The following AMOTL2 variants were observed in gnomAD, a reference collection of about 807,000 sequenced individuals.
The protein encoded by AMOTL2 is angiomotin-like protein 2.
Under a neutral mutation model 78.4 loss-of-function variants are expected in AMOTL2, and 33 were observed. The observed-to-expected ratio is 0.42, with a 90% CI of 0.32 to 0.56. The LOEUF is 0.56. Ranked by LOEUF, AMOTL2 falls within the 20% of genes least tolerant of loss-of-function variation. The pLI, the probability that AMOTL2 is intolerant of heterozygous loss-of-function variation, is 0.12. For missense variants in AMOTL2, 983 were observed against 1,030.1 expected (o/e 0.95, Z 0.63); for synonymous variants, 422 against 428.8 (o/e 0.98, Z 0.20).
intron 6 of AMOTL2, among the ~76,000 whole-genome samples, chr3:134,360,614 T>G (rs1030685069): frequency 2.0e-5 from 3 of 152,154 alleles, no homozygotes; most frequent in African/African-American, 7.2e-5. Context: ...GGCAAGGGCA[T>G]AGAGACCAGA....
intron 5 of AMOTL2, 78 bp from the exon 6 acceptor site, chr3:134,361,885 C>A: frequency 7.9e-7 from 1 of 1,266,752 alleles, no homozygotes; most frequent in South Asian, 1.5e-5. Context: ...CAGTGCTGAC[C>A]ACTGGATGAG....
At chr3:134,367,277 C>T (rs1037344916) in intron 3 of AMOTL2, among the ~76,000 whole-genome samples, 1 of 152,176 alleles carries the variant, frequency 6.6e-6, no homozygotes, top group African/African-American at 2.4e-5. Flanking sequence ...ACTGTTCATG[C>T]TCCAGGCCTG....
At chr3:134,366,000 C>A in intron 4 of AMOTL2, 91 bp from the exon 5 acceptor site, 1 of 1,358,960 alleles carries the variant, frequency 7.4e-7, no homozygotes, top group Non-Finnish European at 1.0e-6. Flanking sequence ...GGGCTGTATC[C>A]TCCATATTGG....
chr3:134,361,673 C>T lies in AMOTL2; in HGVS notation c.1414G>A (p.Ala472Thr), dbSNP rs1289784722. 5.6e-6 allele frequency: 9 copies of T among 1,611,628 alleles called. No homozygotes were observed. Among genetic ancestry groups the T allele is most frequent in the Non-Finnish European group, 7.6e-6 (9 of 1,179,912 alleles). The change falls in exon 6 of 10, where the codon GCC becomes ACC. Residue 472 changes from alanine (A) to threonine (T), a missense_variant. Transcript: ENST00000249883. ...LGNAQGRAAR[A>T]EEELRKKQAY... The stretch of plus-strand genomic sequence containing the variant: ...TGCTTCTTGCGCAGCTCCTCTTCGG[C>T]TCGAGCTGCCCGGCCCTGCGCATTG...
rs1488859801 is a variant in AMOTL2 at position 134,370,888 on chromosome 3, G to A, written c.546C>T (p.His182=). 3 of 1,612,070 alleles carry A rather than the reference G, an allele frequency of 1.9e-6. No homozygotes were observed. The East Asian group carries it at 6.7e-5, about 36-fold the overall frequency. Residue 182 remains histidine (H), a synonymous_variant, in exon 2 of 10, where the codon CAC becomes CAT. Transcript: ENST00000249883. ...ARAPSHMSSS[H]SFPQLARNQQ... is the part of the protein sequence containing the mutation. ...GGTTGCGGGCCAGCTGTGGGAAGCTGTGGGAGGAGCTCATGTGGCTGGGGG... is the reference window on the plus strand; with the variant it reads ...GGTTGCGGGCCAGCTGTGGGAAGCTATGGGAGGAGCTCATGTGGCTGGGGG...
intron 1 of AMOTL2, 87 bp downstream of exon 1, chr3:134,374,255 G>T: frequency 1.5e-5 from 15 of 985,472 alleles, no homozygotes; most frequent in Non-Finnish European, 1.8e-5. Context: ...CCCGGAAAAG[G>T]CCGGGTTGCG....
upstream of AMOTL2, chr3:134,374,696 GC>G (rs1443842745): frequency 5.1e-6 from 5 of 981,848 alleles, no homozygotes; most frequent in Admixed American, 1.2e-4. Context: ...TCCGCGCCCA[GC>G]GCCCTCCAGG....
intron 2 of AMOTL2, 59 bp downstream of exon 2, chr3:134,370,639 CCT>C: frequency 6.7e-7 from 1 of 1,489,176 alleles, no homozygotes. Flanking sequence ...GGCTCTCCTC[CCT>C]GAGAGACCTG....
upstream of AMOTL2, chr3:134,375,011 G>A (rs992577584): frequency 7.0e-7 from 1 of 1,435,696 alleles, no homozygotes; most frequent in Non-Finnish European, 9.1e-7. Context: ...AGTGCCCCGG[G>A]CTAAGTGAAT....
At chr3:134,374,460 C>T, upstream of AMOTL2, 1 of 985,554 alleles carries the variant, frequency 1.0e-6, no homozygotes, top group Non-Finnish European at 1.2e-6. Flanking sequence ...CTGTTCGCGC[C>T]CCAGCGCGCA....
chr3:134,357,465 A>C lies in AMOTL2; in HGVS notation c.*240T>G, dbSNP rs1350216039. Reference sequence around the variant, plus strand: ...AGTCAAGGCTGAATCCTCATTCTCCATAAGGCCCGGAGGAATGTGGGCTAA... The same window carrying C: ...AGTCAAGGCTGAATCCTCATTCTCCCTAAGGCCCGGAGGAATGTGGGCTAA... On this transcript the variant is annotated 3_prime_UTR_variant, in exon 10 of 10. Transcript: ENST00000249883. 4 of 535,758 alleles carry C rather than the reference A, an allele frequency of 7.5e-6. No homozygotes were observed. The Admixed American group carries it at 1.2e-4, about 17-fold the overall frequency. 33.2% of individuals were successfully genotyped at this position (535,758 alleles called of 1,614,324 possible). A position where few individuals can be genotyped will look rare whatever the true frequency, so the allele number is the denominator to read the frequency against.
At chr3:134,359,223 CTG>C in intron 8 of AMOTL2, 58 bp downstream of exon 8, 1 of 1,575,352 alleles carries the variant, frequency 6.3e-7, no homozygotes, top group East Asian at 2.2e-5. Flanking sequence ...GTCTGGCAAT[CTG>C]TGTTCAGGCC....
chr3:134,360,385 C>T lies in AMOTL2; in HGVS notation c.1604G>A (p.Ser535Asn). 1 of 1,612,650 alleles carries T rather than the reference C, an allele frequency of 6.2e-7. No homozygotes were observed. Among genetic ancestry groups the T allele is most frequent in the Non-Finnish European group, 8.5e-7 (1 of 1,179,170 alleles). The change falls in exon 7 of 10, where the codon AGT becomes AAT. Residue 535 changes from serine to asparagine, a missense_variant. By Grantham distance (46) the Ser-to-Asn change is conservative. Coordinates refer to ENST00000249883, the MANE Select transcript of AMOTL2 (RefSeq NM_016201.4). ...QRQAGAPGGSSGSGGSPELSA... is the reference protein window; with the variant it reads ...QRQAGAPGGSNGSGGSPELSA... Reference sequence around the variant, plus strand: ...GAGCTCTGGAGACCCACCACTGCCACTGCTACCACCTGGGGCACCTGCCTG... The same window carrying T: ...GAGCTCTGGAGACCCACCACTGCCATTGCTACCACCTGGGGCACCTGCCTG...
Position 134,374,362 on chromosome 3 carries a change from C to G in AMOTL2, c.-82G>C. 4 of 970,582 alleles carry G rather than the reference C, an allele frequency of 4.1e-6. No individual in the cohort carries two copies. The highest frequency in any genetic ancestry group is 4.8e-6 in the Non-Finnish European group (4 of 826,086). 60.1% of individuals were successfully genotyped at this position (970,582 alleles called of 1,614,324 possible). A position where few individuals can be genotyped will look rare whatever the true frequency, so the allele number is the denominator to read the frequency against. ...CTTACCGCTGCGGCCCGAGGGTGCC[C>G]AGCGCAGTCAGACACCACAACCTCC... On this transcript the variant is annotated 5_prime_UTR_variant, in exon 1 of 10. Coordinates refer to ENST00000249883, the MANE Select transcript of AMOTL2 (RefSeq NM_016201.4).
upstream of AMOTL2, chr3:134,374,576 C>T: frequency 1.0e-6 from 1 of 985,616 alleles, no homozygotes; most frequent in Non-Finnish European, 1.2e-6. Flanking sequence ...CTCAGCGCAC[C>T]GCCCTCCTCC....
intron 1 of AMOTL2, 81 bp downstream of exon 1, chr3:134,374,261 T>C (rs2018000643): frequency 1.0e-6 from 1 of 985,364 alleles, no homozygotes; most frequent in Non-Finnish European, 1.2e-6. Flanking sequence ...AAAGGCCGGG[T>C]TGCGCCGAGA....
At chr3:134,366,032 C>T in intron 4 of AMOTL2, 123 bp from the exon 5 acceptor site, 4 of 1,159,476 alleles carry the variant, frequency 3.4e-6, no homozygotes, top group Middle Eastern at 2.0e-4. Flanking sequence ...TAAGGAAACC[C>T]CAGCTCAGCT....
chr3:134,362,544 C>T (rs981344878), intron 5 of AMOTL2, among the ~76,000 whole-genome samples: 1 of 152,200 alleles, frequency 6.6e-6, no homozygotes. Flanking sequence ...ACATTTCCTT[C>T]CATGGTCTGA....
intron 2 of AMOTL2, 167 bp from the exon 3 acceptor site, chr3:134,367,970 G>T: frequency 1.7e-6 from 1 of 591,516 alleles, no homozygotes; most frequent in Non-Finnish European, 2.8e-6. Context: ...ACCCTCTAGT[G>T]TTAGGCAGGG....
Sources: gnomAD v4.1 joint callset for allele counts (sites outside exome capture counted in the v4.1 genomes callset) on GRCh38, gnomAD v4.1.1 for gene constraint, MANE v1.5 for transcripts, NCBI Gene and HGNC (gene_info 2026-07-23, HGNC 2026-07-21) for gene names.